COP1: variants seen among roughly 807,000 people sequenced by gnomAD.
COP1 encodes COP1 E3 ubiquitin ligase.
COP1 carries 24 observed loss-of-function variants against 101.3 expected under a neutral mutation model. The ratio of observed to expected loss-of-function variants is 0.24; its 90% CI spans 0.17 to 0.33. The LOEUF is 0.33. Ranked by LOEUF, COP1 falls within the 10% of genes least tolerant of loss-of-function variation. COP1 has a pLI of 1.00. For missense variants in COP1, 663 were observed against 906.2 expected (o/e 0.73, Z 3.45); for synonymous variants, 347 against 341.9 (o/e 1.01, Z -0.17).
rs182698121 is a variant in COP1 at position 176,172,747 on chromosome 1, A to G, written c.565+3163T>C. Among the ~76,000 whole-genome samples, 185 of 152,312 alleles carry G rather than the reference A, an allele frequency of 1.2e-3. 5 individuals carry two copies. Among genetic ancestry groups the G allele is most frequent in the Non-Finnish European group, 1.5e-3 (102 of 68,030 alleles). On this transcript the variant is annotated intron_variant, in intron 3 of 19. Coordinates refer to ENST00000367669, the MANE Select transcript of COP1 (RefSeq NM_022457.7). ...ACTTAGAAAACATTTTTTAGTATAG[A>G]AAAAAACAAGTGATATTCCACTTTC...
chr1:176,138,063 T>C (rs902078010), intron 6 of COP1, among the ~76,000 whole-genome samples: 1 of 152,080 alleles, frequency 6.6e-6, no homozygotes, highest in African/African-American at 2.4e-5. Flanking sequence ...ACTAGATAAC[T>C]AAAATTTGAT....
At chr1:176,012,329 G>GT (rs1326577185) in intron 15 of COP1, among the ~76,000 whole-genome samples, 1 of 152,134 alleles carries the variant, frequency 6.6e-6, no homozygotes, top group Non-Finnish European at 1.5e-5. Context: ...GTTTCACCAT[G>GT]TGACTTGGCT....
intron 15 of COP1, among the ~76,000 whole-genome samples, chr1:176,023,718 C>CAAAAAAA (rs759455090): frequency 7.4e-5 from 9 of 122,066 alleles, no homozygotes; most frequent in Non-Finnish European, 1.1e-4. Context: ...AACTCCATCT[C>CAAAAAAA]AAAAAAAAAA....
intron 15 of COP1, among the ~76,000 whole-genome samples, chr1:175,999,075 A>C (rs559092026): frequency 9.2e-5 from 14 of 152,238 alleles, no homozygotes; most frequent in African/African-American, 2.6e-4. Flanking sequence ...GACAGTTTTC[A>C]ACCCATGATG....
At chr1:176,173,986 CAAAAAA>C (rs1212803591) in intron 3 of COP1, among the ~76,000 whole-genome samples, 758 of 49,100 alleles carry the variant, frequency 0.015, 19 homozygotes, top group African/African-American at 0.048. Context: ...GATGCTGTCT[CAAAAAA>C]AAAAAAAAAA....
chr1:176,152,939 A>C (rs1056780217), intron 5 of COP1, among the ~76,000 whole-genome samples: 1 of 152,152 alleles, frequency 6.6e-6, no homozygotes, highest in African/African-American at 2.4e-5. Context: ...CTGTCAACAG[A>C]AAACTTCTAA....
chr1:175,965,864 G>C (rs1323042568), intron 18 of COP1, among the ~76,000 whole-genome samples: 1 of 152,068 alleles, frequency 6.6e-6, no homozygotes, highest in African/African-American at 2.4e-5. Context: ...TTACAAGCGT[G>C]AGCCACCGCA....
At chr1:176,016,726 A>G (rs1165500201) in intron 15 of COP1, among the ~76,000 whole-genome samples, 1 of 152,138 alleles carries the variant, frequency 6.6e-6, no homozygotes, top group Non-Finnish European at 1.5e-5. Flanking sequence ...ATTTTTATGA[A>G]TGACTCTTTT....
intron 18 of COP1, among the ~76,000 whole-genome samples, chr1:175,978,300 A>G (rs1179903929): frequency 6.6e-6 from 1 of 152,178 alleles, no homozygotes; most frequent in Non-Finnish European, 1.5e-5. Context: ...AAATATAAAA[A>G]TGATAATAAT....
chr1:175,996,014 A>C (rs890777439), intron 15 of COP1, among the ~76,000 whole-genome samples: 2 of 152,154 alleles, frequency 1.3e-5, no homozygotes, highest in East Asian at 1.9e-4. Flanking sequence ...TACTGGCAAA[A>C]CGAATCCAGC....
chr1:176,168,129 C>T (rs1695426535), intron 3 of COP1, among the ~76,000 whole-genome samples: 1 of 151,808 alleles, frequency 6.6e-6, no homozygotes, highest in African/African-American at 2.4e-5. Context: ...GCGATCTCGG[C>T]TCACCGCAAC....
At chr1:176,058,754 TAAAAAAAAA>T (rs1171809329) in intron 11 of COP1, among the ~76,000 whole-genome samples, 1 of 88,352 alleles carries the variant, frequency 1.1e-5, no homozygotes, top group African/African-American at 3.9e-5. Context: ...GAATGATCAA[TAAAAAAAAA>T]AAAAAAAAAG....
At chr1:176,078,810 A>C (rs1476198796) in intron 11 of COP1, among the ~76,000 whole-genome samples, 2 of 152,028 alleles carry the variant, frequency 1.3e-5, no homozygotes, top group African/African-American at 4.8e-5. Flanking sequence ...TGTGAAAAAC[A>C]AAAAAATCCA....
intron 14 of COP1, among the ~76,000 whole-genome samples, chr1:176,030,124 T>A (rs1668415289): frequency 6.6e-6 from 1 of 152,020 alleles, no homozygotes; most frequent in Non-Finnish European, 1.5e-5. Flanking sequence ...GCTAATATAT[T>A]TTTTTTAAAG....
intron 18 of COP1, among the ~76,000 whole-genome samples, chr1:175,964,504 A>G (rs1208293515): frequency 6.6e-6 from 1 of 152,220 alleles, no homozygotes; most frequent in African/African-American, 2.4e-5. Context: ...CAGAAAATGT[A>G]AAGTACACTG....
chr1:176,158,791 C>A (rs957002457), intron 5 of COP1, among the ~76,000 whole-genome samples: 2 of 151,782 alleles, frequency 1.3e-5, no homozygotes, highest in African/African-American at 2.4e-5. Flanking sequence ...AGGCGCACAC[C>A]GCCATACCCA....
chr1:176,033,186 T>G (rs1571816130), intron 14 of COP1, among the ~76,000 whole-genome samples: 1 of 151,914 alleles, frequency 6.6e-6, no homozygotes, highest in South Asian at 2.1e-4. Context: ...CCGAGGTGGG[T>G]GGATCACTTA....
chr1:176,001,568 C>T (rs779362115), intron 15 of COP1, among the ~76,000 whole-genome samples: 2 of 151,984 alleles, frequency 1.3e-5, no homozygotes, highest in South Asian at 2.1e-4. Context: ...CAACTGCAGC[C>T]GCAAGTGCCA....
At chr1:176,139,307 A>AG (rs1273648494) in intron 6 of COP1, among the ~76,000 whole-genome samples, 4 of 151,210 alleles carry the variant, frequency 2.6e-5, no homozygotes, top group African/African-American at 9.7e-5. Flanking sequence ...AAAACAAAAA[A>AG]AGAGATGCTG....
Sources: gnomAD v4.1 joint callset for allele counts (sites outside exome capture counted in the v4.1 genomes callset) on GRCh38, gnomAD v4.1.1 for gene constraint, MANE v1.5 for transcripts, NCBI Gene and HGNC (gene_info 2026-07-23, HGNC 2026-07-21) for gene names.